WDFY4: variants seen among roughly 807,000 people sequenced by gnomAD.
WDFY4 encodes WD repeat- and FYVE domain-containing protein 4.
A neutral mutation model predicts 351.9 loss-of-function variants in WDFY4; 169 were observed. That is an observed-to-expected ratio of 0.48 (90% CI 0.42 to 0.55). The LOEUF (loss-of-function observed/expected upper bound fraction) is 0.55. WDFY4 is among the 20% of genes least tolerant of loss of function. The probability of loss-of-function intolerance (pLI) is 0.00; values close to 1 mark genes in which losing one functional copy is unlikely to be tolerated. For missense variants in WDFY4, 3,803 were observed against 3,935.6 expected (o/e 0.97, Z 0.90); for synonymous variants, 1,622 against 1,574.6 (o/e 1.03, Z -0.71).
intron 12 of WDFY4, among the ~76,000 whole-genome samples, chr10:48,752,921 T>C (rs1437786119): frequency 2.0e-5 from 3 of 152,208 alleles, no homozygotes; most frequent in Non-Finnish European, 2.9e-5. Flanking sequence ...CTCAATTCAA[T>C]AGAATTGTAG....
intron 38 of WDFY4, among the ~76,000 whole-genome samples, chr10:48,831,580 T>C (rs994793026): frequency 2.0e-5 from 3 of 152,236 alleles, no homozygotes; most frequent in Non-Finnish European, 2.9e-5. Context: ...TAAATTGGCT[T>C]TATAAATTAG....
intron 14 of WDFY4, 72 bp downstream of exon 14, chr10:48,774,744 T>C: frequency 2.6e-6 from 4 of 1,516,512 alleles, no homozygotes; most frequent in Non-Finnish European, 3.6e-6. Context: ...GGTTGCACAA[T>C]GGGCAGTGGA....
Position 48,777,507 on chromosome 10 carries a change from T to C in WDFY4, c.3175+12T>C. ...AGGAATTGGGACAGGTAGGTGTTTT[T>C]CCCAGATGGTTTAGCTCTCCATCCC... On this transcript the variant is annotated intron_variant, in intron 17 of 61. Coordinates refer to ENST00000325239, the MANE Select transcript of WDFY4 (RefSeq NM_001394531.1). The C allele has an allele frequency of 6.4e-7, 1 of 1,551,238 alleles. No individual in the cohort carries two copies. Among genetic ancestry groups the C allele is most frequent in the South Asian group, 1.2e-5 (1 of 84,050 alleles).
At chr10:48,963,601 G>T (rs990407031) in intron 53 of WDFY4, among the ~76,000 whole-genome samples, 14 of 152,150 alleles carry the variant, frequency 9.2e-5, no homozygotes, top group Non-Finnish European at 2.9e-5. Flanking sequence ...TTATGACATG[G>T]TTGAGCTGGG....
At chr10:48,817,163 C>T (rs1214709183) in intron 31 of WDFY4, 82 bp from the exon 32 acceptor site, 1 of 1,456,974 alleles carries the variant, frequency 6.9e-7, no homozygotes, top group Non-Finnish European at 9.2e-7. Context: ...AAGGAATCTT[C>T]TCCCTAGACC....
intron 13 of WDFY4, among the ~76,000 whole-genome samples, chr10:48,768,088 G>A (rs371850083): frequency 3.3e-5 from 5 of 152,320 alleles, no homozygotes; most frequent in East Asian, 1.9e-4. Flanking sequence ...TGGGACCAGA[G>A]CTTAGAATGG....
chr10:48,806,977 T>C (rs563928044), intron 27 of WDFY4, among the ~76,000 whole-genome samples: 24 of 152,330 alleles, frequency 1.6e-4, no homozygotes, highest in Admixed American at 3.9e-4. Flanking sequence ...CATTTTTTAA[T>C]CTAGATAAAG....
chr10:48,956,630 G>A (rs866160480), intron 51 of WDFY4, among the ~76,000 whole-genome samples: 1 of 152,040 alleles, frequency 6.6e-6, no homozygotes, highest in African/African-American at 2.4e-5. Flanking sequence ...CTTCCGGGGC[G>A]CCTCTCCAGG....
intron 2 of WDFY4, among the ~76,000 whole-genome samples, chr10:48,715,020 T>TGGCATACTCACTC (rs563854535): frequency 3.3e-4 from 50 of 152,364 alleles, no homozygotes; most frequent in African/African-American, 1.2e-3. Flanking sequence ...GCCTCTCACT[T>TGGCATACTCACTC]GGCATACTCA....
chr10:48,774,353 G>A, intron 13 of WDFY4, 105 bp from the exon 14 acceptor site: 1 of 1,194,538 alleles, frequency 8.4e-7, no homozygotes, highest in Admixed American at 2.0e-5. Context: ...GGTGGGCGCA[G>A]TCTCCTTGTT....
chr10:48,820,289 G>GCGA lies in WDFY4; in HGVS notation c.5563_5565dup (p.Asp1855dup). ...AGCAGTCCTGAGGCCGCAGCTGAAG[G>GCGA]CGACAGCACAGTGGAGGGTCTCCAG... On this transcript the variant is annotated inframe_insertion, in exon 33 of 62. Coordinates refer to ENST00000325239, the MANE Select transcript of WDFY4 (RefSeq NM_001394531.1). 1.3e-6 allele frequency: 2 copies of GCGA among 1,551,684 alleles called. No homozygotes were observed. The highest frequency in any genetic ancestry group is 1.7e-6 in the Non-Finnish European group (2 of 1,146,984).
intron 2 of WDFY4, among the ~76,000 whole-genome samples, chr10:48,712,847 C>A (rs1374454743): frequency 4.6e-5 from 7 of 152,188 alleles, no homozygotes; most frequent in African/African-American, 1.7e-4. Flanking sequence ...TATGCCACTT[C>A]TCCCGGAATG....
intron 56 of WDFY4, 103 bp from the exon 57 acceptor site, chr10:48,970,028 G>GT: frequency 7.2e-7 from 1 of 1,386,966 alleles, no homozygotes; most frequent in Non-Finnish European, 9.6e-7. Flanking sequence ...CATGTCCCCA[G>GT]TTCCCAAGGC....
At chr10:48,772,121 A>C (rs1439409730) in intron 13 of WDFY4, among the ~76,000 whole-genome samples, 2 of 152,118 alleles carry the variant, frequency 1.3e-5, no homozygotes, top group Non-Finnish European at 1.5e-5. Context: ...GTGGAGCCTG[A>C]GACAGGGGTC....
At chr10:48,965,749 G>A (rs1162082239) in intron 54 of WDFY4, among the ~76,000 whole-genome samples, 1 of 43,042 alleles carries the variant, frequency 2.3e-5, no homozygotes, top group Non-Finnish European at 5.2e-5. Flanking sequence ...GTAGAGAGCT[G>A]GATATAGAGT....
chr10:48,854,773 C>T (rs999179772), intron 39 of WDFY4, among the ~76,000 whole-genome samples: 3 of 152,282 alleles, frequency 2.0e-5, no homozygotes, highest in South Asian at 4.2e-4. Flanking sequence ...ACTTTGGGCC[C>T]ACTTAACCCA....
At chr10:48,819,662 T>G (rs1475949011) in intron 32 of WDFY4, among the ~76,000 whole-genome samples, 1 of 152,088 alleles carries the variant, frequency 6.6e-6, no homozygotes, top group Non-Finnish European at 1.5e-5. Context: ...TAAAACAAAA[T>G]AGTGGATGCC....
chr10:48,956,478 C>G (rs1421562752), intron 51 of WDFY4, among the ~76,000 whole-genome samples: 1 of 152,156 alleles, frequency 6.6e-6, no homozygotes, highest in African/African-American at 2.4e-5. Context: ...TCACCAGGGC[C>G]CTCCCCTAGC....
intron 53 of WDFY4, among the ~76,000 whole-genome samples, chr10:48,961,288 T>A (rs1240702145): frequency 6.6e-6 from 1 of 152,214 alleles, no homozygotes; most frequent in Non-Finnish European, 1.5e-5. Context: ...GCAGCCATAG[T>A]CTGATAAAAG....
Sources: allele counts gnomAD v4.1 joint callset (sites outside exome capture counted in the v4.1 genomes callset), GRCh38; gene constraint gnomAD v4.1.1; transcripts MANE v1.5; gene names NCBI Gene and HGNC (gene_info 2026-07-23, HGNC 2026-07-21).